CAMTA1: variants seen among roughly 807,000 people sequenced by gnomAD.
CAMTA1 encodes calmodulin-binding transcription activator 1.
A neutral mutation model predicts 170.9 loss-of-function variants in CAMTA1; 27 were observed. The ratio of observed to expected loss-of-function variants is 0.16; its 90% CI spans 0.12 to 0.22. The LOEUF (loss-of-function observed/expected upper bound fraction) is 0.22. Ranked by LOEUF, CAMTA1 falls within the 10% of genes least tolerant of loss-of-function variation. CAMTA1 has a pLI of 1.00. For synonymous variants in CAMTA1, 833 were observed against 891.5 expected, an observed-to-expected ratio of 0.93 and a Z score of 1.17; for missense variants, 1,619 against 2,217.2, an observed-to-expected ratio of 0.73 and a Z score of 5.42.
At chr1:7,385,237 A>T (rs2087815260) in intron 5 of CAMTA1, among the ~76,000 whole-genome samples, 1 of 151,728 alleles carries the variant, frequency 6.6e-6, no homozygotes, top group East Asian at 1.9e-4. Context: ...CTACAGGCAC[A>T]TGCCACCACT....
chr1:7,476,046 C>T (rs2093415121), intron 6 of CAMTA1, among the ~76,000 whole-genome samples: 1 of 152,208 alleles, frequency 6.6e-6, no homozygotes, highest in African/African-American at 2.4e-5. Context: ...GACATAAACC[C>T]CAAGTTTCCC....
intron 5 of CAMTA1, among the ~76,000 whole-genome samples, chr1:7,466,699 A>G (rs72642850): frequency 0.15 from 23,246 of 152,112 alleles, 1,849 homozygotes; most frequent in South Asian, 0.2. Context: ...CCTCCCCTCT[A>G]TGCCCCACCC....
intron 6 of CAMTA1, among the ~76,000 whole-genome samples, chr1:7,555,889 C>A (rs1383271164): frequency 6.6e-6 from 1 of 152,198 alleles, no homozygotes; most frequent in Non-Finnish European, 1.5e-5. Flanking sequence ...GCCGCTAGGG[C>A]CCTTTTTTCC....
chr1:6,803,040 T>A (rs540142527), intron 1 of CAMTA1, among the ~76,000 whole-genome samples: 3 of 152,334 alleles, frequency 2.0e-5, no homozygotes, highest in African/African-American at 7.2e-5. Flanking sequence ...TGAGCCACCG[T>A]GCCCGGCCCC....
chr1:7,640,332 TG>T, intron 6 of CAMTA1, 67 bp from the exon 7 acceptor site: 2 of 1,576,838 alleles, frequency 1.3e-6, no homozygotes, highest in Non-Finnish European at 8.7e-7. Context: ...CCTGCGGGGT[TG>T]GGGGCGGCCC....
intron 5 of CAMTA1, among the ~76,000 whole-genome samples, chr1:7,411,529 CAAAAAAAAAAA>C (rs869078814): frequency 3.0e-5 from 2 of 67,204 alleles, no homozygotes; most frequent in African/African-American, 1.3e-4. Flanking sequence ...GACTCTGCCT[CAAAAAAAAAAA>C]AAAAAAAAAA....
intron 1 of CAMTA1, among the ~76,000 whole-genome samples, chr1:6,786,138 A>G (rs1413970090): frequency 6.6e-6 from 1 of 151,360 alleles, no homozygotes; most frequent in East Asian, 2.0e-4. Flanking sequence ...CACCCTCTTC[A>G]GCCCCGTGGA....
chr1:7,347,858 C>T (rs971346067), intron 5 of CAMTA1, among the ~76,000 whole-genome samples: 10 of 152,212 alleles, frequency 6.6e-5, no homozygotes, highest in African/African-American at 2.2e-4. Flanking sequence ...GAGTCAGGCA[C>T]GACCCTAATG....
chr1:6,902,167 C>G (rs921630166), intron 3 of CAMTA1, among the ~76,000 whole-genome samples: 2 of 152,006 alleles, frequency 1.3e-5, no homozygotes, highest in Admixed American at 6.6e-5. Flanking sequence ...TCTTATAAGT[C>G]TACACTTAAG....
At chr1:7,727,665 C>G (rs2096700574) in intron 11 of CAMTA1, among the ~76,000 whole-genome samples, 1 of 152,236 alleles carries the variant, frequency 6.6e-6, no homozygotes, top group South Asian at 2.1e-4. Context: ...CCCTATATCC[C>G]GTAATCACAC....
chr1:7,284,159 CTTCTTCTTCTTCTTCTTCTTATTA>C (rs1175073930), intron 5 of CAMTA1, among the ~76,000 whole-genome samples: 211 of 116,824 alleles, frequency 1.8e-3, no homozygotes, highest in South Asian at 2.9e-3. Flanking sequence ...TCTTCTTCTT[CTTCTTCTTCTTCTTCTTCTTATTA>C]TTATTATTAT....
intron 3 of CAMTA1, among the ~76,000 whole-genome samples, chr1:7,031,748 A>T (rs773881412): frequency 6.6e-6 from 1 of 152,000 alleles, no homozygotes; most frequent in Non-Finnish European, 1.5e-5. Flanking sequence ...TCACTGTGTT[A>T]GCCAGGATGG....
intron 3 of CAMTA1, among the ~76,000 whole-genome samples, chr1:6,858,442 TGTGGTGGTGGTG>T (rs142635550): frequency 9.7e-5 from 11 of 113,718 alleles, no homozygotes; most frequent in East Asian, 7.8e-4. Context: ...AAGTGGTGTG[TGTGGTGGTGGTG>T]GTGGTGGTGG....
At chr1:7,705,859 C>T (rs1291772226) in intron 11 of CAMTA1, among the ~76,000 whole-genome samples, 4 of 152,208 alleles carry the variant, frequency 2.6e-5, no homozygotes, top group African/African-American at 7.2e-5. Flanking sequence ...CTTTGCTTCC[C>T]TGCAGACTGG....
intron 11 of CAMTA1, among the ~76,000 whole-genome samples, chr1:7,700,279 C>T (rs1002389051): frequency 1.3e-5 from 2 of 152,100 alleles, no homozygotes; most frequent in African/African-American, 2.4e-5. Context: ...TTGTTGAAGA[C>T]GATTCTTTCC....
At chr1:7,091,434 T>A in intron 4 of CAMTA1, 63 bp downstream of exon 4, 1 of 1,286,320 alleles carries the variant, frequency 7.8e-7, no homozygotes, top group South Asian at 1.2e-5. Flanking sequence ...TTGCATTGAT[T>A]ACCTGATTTG....
chr1:7,662,201 G>A (rs1389865393), intron 8 of CAMTA1, among the ~76,000 whole-genome samples: 1 of 152,228 alleles, frequency 6.6e-6, no homozygotes, highest in East Asian at 1.9e-4. Context: ...CACACTCTTG[G>A]GCATCCTCTG....
At chr1:7,098,798 A>G (rs1365794037) in intron 4 of CAMTA1, among the ~76,000 whole-genome samples, 1 of 152,104 alleles carries the variant, frequency 6.6e-6, no homozygotes, top group African/African-American at 2.4e-5. Context: ...TGATCAGAGG[A>G]CATGTGAGCC....
At chr1:7,169,684 G>C (rs1200558973) in intron 4 of CAMTA1, among the ~76,000 whole-genome samples, 1 of 152,040 alleles carries the variant, frequency 6.6e-6, no homozygotes. Context: ...GCTGATTTTT[G>C]TATTTTCAGT....
Sources: allele counts gnomAD v4.1 joint callset (sites outside exome capture counted in the v4.1 genomes callset), GRCh38; gene constraint gnomAD v4.1.1; transcripts MANE v1.5; gene names NCBI Gene and HGNC (gene_info 2026-07-23, HGNC 2026-07-21).